The following FGF14 variants were observed in gnomAD, a reference collection of about 807,000 sequenced individuals.
FGF14 encodes the protein fibroblast growth factor 14.
In FGF14, 5 loss-of-function variants were observed where a neutral mutation model predicts 25.5. The ratio of observed to expected loss-of-function variants is 0.20; its 90% CI spans 0.10 to 0.41. The LOEUF (loss-of-function observed/expected upper bound fraction) is 0.41. Among genes scored for constraint, FGF14 ranks in the 10% least tolerant of loss-of-function variants. FGF14 has a pLI of 1.00. For synonymous variants in FGF14, 138 were observed against 118.3 expected, an observed-to-expected ratio of 1.17 and a Z score of -1.08; for missense variants, 222 against 320.1, an observed-to-expected ratio of 0.69 and a Z score of 2.34.
intron 1 of FGF14, among the ~76,000 whole-genome samples, chr13:101,881,104 G>T (rs948773060): frequency 6.6e-5 from 10 of 152,190 alleles, no homozygotes; most frequent in Non-Finnish European, 1.5e-4. Context: ...AAGGGAGACT[G>T]TAAGAATCCT....
intron 1 of FGF14, among the ~76,000 whole-genome samples, chr13:102,204,242 G>C (rs2049803597): frequency 6.6e-6 from 1 of 152,176 alleles, no homozygotes; most frequent in Non-Finnish European, 1.5e-5. Context: ...TCCACCATAT[G>C]TGATGGTTGC....
chr13:101,993,980 G>A (rs895568067), intron 1 of FGF14, among the ~76,000 whole-genome samples: 13 of 151,818 alleles, frequency 8.6e-5, no homozygotes, highest in Non-Finnish European at 1.8e-4. Flanking sequence ...ATAAATATAG[G>A]TTGGCTATTA....
At chr13:102,140,852 A>G (rs2046615797) in intron 1 of FGF14, among the ~76,000 whole-genome samples, 1 of 152,206 alleles carries the variant, frequency 6.6e-6, no homozygotes, top group Non-Finnish European at 1.5e-5. Flanking sequence ...AGTGATAGAA[A>G]CTAAACTCAA....
intron 1 of FGF14, among the ~76,000 whole-genome samples, chr13:102,313,616 G>A (rs922347090): frequency 6.6e-6 from 1 of 152,016 alleles, no homozygotes; most frequent in Admixed American, 6.6e-5. Flanking sequence ...GGGGAGGGGG[G>A]TAAGAGCTCA....
At chr13:101,784,431 T>C (rs2039689886) in intron 3 of FGF14, among the ~76,000 whole-genome samples, 1 of 152,206 alleles carries the variant, frequency 6.6e-6, no homozygotes, top group Admixed American at 6.5e-5. Context: ...GCTCCACTTA[T>C]GACCCACCTT....
At chr13:102,080,187 T>C (rs1432396575) in intron 1 of FGF14, among the ~76,000 whole-genome samples, 1 of 152,008 alleles carries the variant, frequency 6.6e-6, no homozygotes, top group East Asian at 1.9e-4. Flanking sequence ...AAAGAAAAGA[T>C]TGTAGGAGGG....
chr13:102,330,420 A>G (rs1007133655), intron 1 of FGF14, among the ~76,000 whole-genome samples: 1 of 151,850 alleles, frequency 6.6e-6, no homozygotes, highest in Non-Finnish European at 1.5e-5. Flanking sequence ...GCAATTCTCA[A>G]CTCTCTCTCC....
intron 1 of FGF14, among the ~76,000 whole-genome samples, chr13:101,913,021 A>G (rs967784162): frequency 2.0e-5 from 3 of 152,220 alleles, no homozygotes; most frequent in African/African-American, 7.2e-5. Context: ...ATAAACAACA[A>G]CAGTGACGTA....
intron 1 of FGF14, among the ~76,000 whole-genome samples, chr13:101,965,797 A>T (rs2037158131): frequency 6.6e-6 from 1 of 152,154 alleles, no homozygotes; most frequent in Non-Finnish European, 1.5e-5. Context: ...TAAGGCAATC[A>T]ATTTTAAGGA....
intron 3 of FGF14, among the ~76,000 whole-genome samples, chr13:101,791,825 T>C (rs1432892720): frequency 1.3e-5 from 2 of 152,154 alleles, no homozygotes; most frequent in African/African-American, 2.4e-5. Context: ...ATGAGATGAC[T>C]GAGTCAAACC....
chr13:101,936,528 T>C (rs888685003), intron 1 of FGF14, among the ~76,000 whole-genome samples: 2 of 152,154 alleles, frequency 1.3e-5, no homozygotes, highest in East Asian at 3.9e-4. Context: ...AACACAGGCA[T>C]TTCAGGGACA....
chr13:101,763,902 A>C (rs1594165122), intron 3 of FGF14, among the ~76,000 whole-genome samples: 1 of 151,786 alleles, frequency 6.6e-6, no homozygotes, highest in East Asian at 2.0e-4. Flanking sequence ...ACCTCCCCAG[A>C]GCAGCAGATT....
At chr13:102,030,309 T>TG (rs2041147621) in intron 1 of FGF14, among the ~76,000 whole-genome samples, 2 of 152,142 alleles carry the variant, frequency 1.3e-5, no homozygotes, top group African/African-American at 4.8e-5. Flanking sequence ...CAGAGATGAG[T>TG]GTCCCAGGGA....
intron 1 of FGF14, among the ~76,000 whole-genome samples, chr13:101,970,662 T>C (rs548509866): frequency 2.5e-4 from 38 of 152,232 alleles, no homozygotes; most frequent in Admixed American, 7.8e-4. Context: ...GAAGAAAAAA[T>C]GCATTTGCTC....
chr13:102,110,208 A>G (rs2045148654), intron 1 of FGF14, among the ~76,000 whole-genome samples: 1 of 152,174 alleles, frequency 6.6e-6, no homozygotes, highest in South Asian at 2.1e-4. Context: ...ATTTGTTATA[A>G]AAAATGACAT....
rs2037344876 is a variant in FGF14, at chr13:101,752,371, T to G, written c.409-25561A>C. Among the ~76,000 whole-genome samples, 5 of 152,192 alleles carry G rather than the reference T, an allele frequency of 3.3e-5. No homozygotes were observed. The South Asian group carries it at 1.0e-3, about 32-fold the overall frequency. ...TAGTTAGAATTTGATGTAAATGAAT[T>G]TTTAACATATTCTATACAAATTTTA... On this transcript the variant is annotated intron_variant, in intron 3 of 4. Transcript: ENST00000376143.
chr13:102,264,592 A>G (rs1486788238), intron 1 of FGF14, among the ~76,000 whole-genome samples: 2 of 151,964 alleles, frequency 1.3e-5, no homozygotes, highest in African/African-American at 4.8e-5. Context: ...TTGAGTAGGG[A>G]TTTTATAAAG....
Position 101,938,270 on chromosome 13 carries a change from A to G in FGF14, c.209-62974T>C, listed in dbSNP as rs60842246. Among the ~76,000 whole-genome samples, 10 of 151,896 alleles carry G rather than the reference A, an allele frequency of 6.6e-5. No homozygotes were observed. The East Asian group carries it at 1.9e-3, about 29-fold the overall frequency. Reference sequence around the variant, plus strand: ...AAGATTACATTTGACCATTTGCTTCATACACAACAACAACAAAAAAAATCC... The same window carrying G: ...AAGATTACATTTGACCATTTGCTTCGTACACAACAACAACAAAAAAAATCC... On this transcript the variant is annotated intron_variant, in intron 1 of 4. Coordinates refer to the FGF14 transcript ENST00000376131.
chr13:101,769,365 T>A (rs1487375601), intron 3 of FGF14, among the ~76,000 whole-genome samples: 2 of 145,114 alleles, frequency 1.4e-5, no homozygotes, highest in Admixed American at 6.9e-5. Context: ...AAAAAAAAAA[T>A]GGTACAACCA....
Sources: allele counts gnomAD v4.1 joint callset (sites outside exome capture counted in the v4.1 genomes callset), GRCh38; gene constraint gnomAD v4.1.1; transcripts MANE v1.5; gene names NCBI Gene and HGNC (gene_info 2026-07-23, HGNC 2026-07-21).